SPOCK1: variants seen among roughly 807,000 people sequenced by gnomAD.
SPOCK1 encodes the protein SPARC (osteonectin), cwcv and kazal like domains proteoglycan 1, also known as testican-1.
SPOCK1 carries 23 observed loss-of-function variants against 55.3 expected under a neutral mutation model. That is an observed-to-expected ratio of 0.42 (90% CI 0.30 to 0.59). The LOEUF (loss-of-function observed/expected upper bound fraction) is 0.59, where lower values mean the gene tolerates loss of function less well. Among genes scored for constraint, SPOCK1 ranks in the 20% least tolerant of loss-of-function variants. SPOCK1 has a pLI of 0.22. For missense variants in SPOCK1, 499 were observed against 552.5 expected (o/e 0.90, Z 0.97); for synonymous variants, 226 against 221.0 (o/e 1.02, Z -0.20).
intron 2 of SPOCK1, among the ~76,000 whole-genome samples, chr5:137,304,250 T>G (rs188126393): frequency 6.6e-6 from 1 of 152,118 alleles, no homozygotes; most frequent in African/African-American, 2.4e-5. Context: ...TGAACCCACA[T>G]GTAATACTCA....
At chr5:137,258,772 CTTAAACACAGTA>C in intron 3 of SPOCK1, among the ~76,000 whole-genome samples, 1 of 152,320 alleles carries the variant, frequency 6.6e-6, no homozygotes, top group South Asian at 2.1e-4. Flanking sequence ...GAAAGAACCT[CTTAAACACAGTA>C]TTAGAAAGCT....
intron 4 of SPOCK1, among the ~76,000 whole-genome samples, chr5:137,138,872 T>C (rs1033543824): frequency 3.3e-5 from 5 of 152,140 alleles, no homozygotes; most frequent in African/African-American, 1.2e-4. Flanking sequence ...CAATGACAGG[T>C]AGAATGAAGA....
chr5:137,056,004 C>G (rs6882039), intron 6 of SPOCK1, among the ~76,000 whole-genome samples: 1,957 of 152,270 alleles, frequency 0.013, 39 homozygotes, highest in African/African-American at 0.044. Flanking sequence ...AGGGCTGGGA[C>G]CACCAAAATC....
At position 136,978,822 on chromosome 5, in the gene SPOCK1, C is replaced by G. The variant is rs139421454; in HGVS notation, c.1152G>C (p.Gly384=). The G allele has an allele frequency of 2.5e-6, 4 of 1,611,728 alleles. No individual in the cohort carries two copies. Among genetic ancestry groups the G allele is most frequent in the Non-Finnish European group, 3.4e-6 (4 of 1,179,148 alleles). The part of the protein sequence containing the change: ...VSCEEEQETS[G]DFGSGGSVVL... The stretch of plus-strand genomic sequence containing the variant: ...CCACGGACCCACCACTGCCAAAATC[C>G]CCTGAGGTTTCCTGCTCCTCTTCTG... The change falls in exon 11 of 11, where the codon GGG becomes GGC. Residue 384 remains glycine, a synonymous_variant. Coordinates refer to ENST00000394945, the MANE Select transcript of SPOCK1 (RefSeq NM_004598.4).
At chr5:137,432,619 G>T (rs554502981) in intron 2 of SPOCK1, among the ~76,000 whole-genome samples, 10 of 152,148 alleles carry the variant, frequency 6.6e-5, no homozygotes, top group Non-Finnish European at 1.5e-4. Context: ...GAGAAAAGGA[G>T]AACAGTGCTT....
At chr5:137,011,694 G>A (rs550685391) in intron 6 of SPOCK1, among the ~76,000 whole-genome samples, 5 of 152,274 alleles carry the variant, frequency 3.3e-5, no homozygotes, top group Admixed American at 3.3e-4. Context: ...CACCCCAGAA[G>A]AGCAACCTTA....
chr5:137,106,528 C>T (rs1753372185), intron 5 of SPOCK1, among the ~76,000 whole-genome samples: 1 of 152,148 alleles, frequency 6.6e-6, no homozygotes, highest in Admixed American at 6.5e-5. Flanking sequence ...GGGCTCGGAG[C>T]TGTAATGACT....
intron 5 of SPOCK1, among the ~76,000 whole-genome samples, chr5:137,106,476 T>G (rs1753370766): frequency 1.3e-5 from 2 of 152,150 alleles, no homozygotes; most frequent in Admixed American, 6.5e-5. Context: ...GCAGGAGGAC[T>G]TGCAAGTCCC....
At chr5:137,259,688 T>TAA (rs61576266) in intron 3 of SPOCK1, among the ~76,000 whole-genome samples, 6,088 of 130,122 alleles carry the variant, frequency 0.047, 439 homozygotes, top group African/African-American at 0.15. Flanking sequence ...CACATGAAAG[T>TAA]AAAAAAAAAA....
At chr5:137,035,378 G>A (rs1751863992) in intron 6 of SPOCK1, among the ~76,000 whole-genome samples, 1 of 152,194 alleles carries the variant, frequency 6.6e-6, no homozygotes, top group Non-Finnish European at 1.5e-5. Flanking sequence ...TCTGGGCAGA[G>A]ACTCCGATTT....
At chr5:137,267,835 T>C (rs1756888445) in intron 2 of SPOCK1, among the ~76,000 whole-genome samples, 1 of 152,222 alleles carries the variant, frequency 6.6e-6, no homozygotes, top group Non-Finnish European at 1.5e-5. Flanking sequence ...TTGACCCCAT[T>C]GTTTCCTGGC....
chr5:137,243,638 C>T (rs184021961), intron 3 of SPOCK1, among the ~76,000 whole-genome samples: 3 of 152,320 alleles, frequency 2.0e-5, no homozygotes, highest in Non-Finnish European at 2.9e-5. Flanking sequence ...TCTACTATTA[C>T]ATTTCACAGG....
chr5:137,243,106 GGATT>G (rs1756319417), intron 3 of SPOCK1, among the ~76,000 whole-genome samples: 2 of 152,124 alleles, frequency 1.3e-5, no homozygotes, highest in South Asian at 4.2e-4. Context: ...ATCTTTTCTG[GGATT>G]ATTTTTTAGA....
intron 6 of SPOCK1, among the ~76,000 whole-genome samples, chr5:137,055,976 C>T (rs1752291906): frequency 6.6e-6 from 1 of 152,178 alleles, no homozygotes; most frequent in South Asian, 2.1e-4. Context: ...AAGTCACCTA[C>T]AAAACCCAAC....
At chr5:137,108,583 G>A (rs1041490292) in intron 5 of SPOCK1, among the ~76,000 whole-genome samples, 1 of 152,130 alleles carries the variant, frequency 6.6e-6, no homozygotes, top group Non-Finnish European at 1.5e-5. Flanking sequence ...CTTGTCTTTT[G>A]GGGCTTCGGT....
chr5:137,363,192 T>C (rs1358027779), intron 2 of SPOCK1, among the ~76,000 whole-genome samples: 2 of 152,152 alleles, frequency 1.3e-5, no homozygotes, highest in Non-Finnish European at 2.9e-5. Flanking sequence ...GCCCTGTAAG[T>C]ACCTACCTAG....
chr5:137,160,388 A>G (rs892574734), intron 3 of SPOCK1, among the ~76,000 whole-genome samples: 3 of 127,298 alleles, frequency 2.4e-5, no homozygotes, highest in Non-Finnish European at 3.2e-5. Flanking sequence ...TTTAAAACAT[A>G]AATATATATA....
At chr5:137,160,863 A>T (rs1754540993) in intron 3 of SPOCK1, among the ~76,000 whole-genome samples, 1 of 144,962 alleles carries the variant, frequency 6.9e-6, no homozygotes, top group African/African-American at 2.5e-5. Context: ...CATCAATCCC[A>T]CTACTGAGTA....
rs1012570428 is a variant in SPOCK1 at position 137,020,303 on chromosome 5, TAA to T, written c.590-27705_590-27704del. Among the ~76,000 whole-genome samples the T allele has an allele frequency of 2.0e-5, 3 of 151,778 alleles. No homozygotes were observed. In the South Asian group the frequency reaches 6.2e-4, roughly 31 times the overall value. On this transcript the variant is annotated intron_variant, in intron 6 of 10. Coordinates refer to ENST00000394945, the MANE Select transcript of SPOCK1 (RefSeq NM_004598.4). ...TTAAAAAGATATTCTAGGTACATACTAAGAGAGTGGCAGTAGCTATATTATCA... is the reference window on the plus strand; with the variant it reads ...TTAAAAAGATATTCTAGGTACATACTGAGAGTGGCAGTAGCTATATTATCA...
Sources: gnomAD v4.1 joint callset for allele counts (sites outside exome capture counted in the v4.1 genomes callset) on GRCh38, gnomAD v4.1.1 for gene constraint, MANE v1.5 for transcripts, NCBI Gene and HGNC (gene_info 2026-07-23, HGNC 2026-07-21) for gene names.